The following SPPL3 variants were observed in gnomAD, a reference collection of about 807,000 sequenced individuals.
SPPL3 encodes signal peptide peptidase like 3.
SPPL3 carries 5 observed loss-of-function variants against 42.4 expected under a neutral mutation model. That is an observed-to-expected ratio of 0.12 (90% confidence interval 0.06 to 0.25). The LOEUF (loss-of-function observed/expected upper bound fraction) is 0.25. SPPL3 is among the 10% of genes least tolerant of loss of function. The pLI is 1.00. For synonymous variants in SPPL3, 195 were observed against 181.8 expected, an observed-to-expected ratio of 1.07 and a Z score of -0.58; for missense variants, 235 against 489.0, an observed-to-expected ratio of 0.48 and a Z score of 4.90.
At chr12:120,802,733 T>A (rs576799158) in intron 2 of SPPL3, among the ~76,000 whole-genome samples, 5 of 151,978 alleles carry the variant, frequency 3.3e-5, no homozygotes, top group Non-Finnish European at 5.9e-5. Flanking sequence ...CCGTGCCTGG[T>A]CTGCTACCAA....
intron 1 of SPPL3, among the ~76,000 whole-genome samples, chr12:120,865,005 A>C (rs1872718382): frequency 6.6e-6 from 1 of 152,230 alleles, no homozygotes; most frequent in Admixed American, 6.5e-5. Flanking sequence ...CCATCAATAC[A>C]AATGTTAACA....
At chr12:120,865,241 ACT>A (rs968464336) in intron 1 of SPPL3, among the ~76,000 whole-genome samples, 9 of 152,172 alleles carry the variant, frequency 5.9e-5, no homozygotes, top group African/African-American at 2.2e-4. Flanking sequence ...TGAAAATGCC[ACT>A]GTTTCATGTC....
chr12:120,839,731 T>C (rs1871743820), intron 1 of SPPL3, among the ~76,000 whole-genome samples: 1 of 152,106 alleles, frequency 6.6e-6, no homozygotes, highest in Admixed American at 6.5e-5. Context: ...TGTAAAACAG[T>C]GCAGTCACTT....
chr12:120,871,521 G>A (rs959600408), intron 1 of SPPL3, among the ~76,000 whole-genome samples: 11 of 152,152 alleles, frequency 7.2e-5, no homozygotes, highest in Non-Finnish European at 1.5e-4. Flanking sequence ...GGGAGGCTGA[G>A]ATGAGTGGAT....
At position 120,850,492 on chromosome 12, in the gene SPPL3, TAAA is replaced by T. The variant is rs11413210; in HGVS notation, c.24-39609_24-39607del. Among the ~76,000 whole-genome samples, 447 of 119,394 alleles carry T rather than the reference TAAA, an allele frequency of 3.7e-3. 2 individuals carry two copies. The highest frequency in any genetic ancestry group is 7.7e-3 in the African/African-American group (254 of 33,182). 78.3% of individuals were successfully genotyped at this position (119,394 alleles called of 152,430 possible). On this transcript the variant is annotated intron_variant, in intron 1 of 10. Transcript: ENST00000353487. ...TGGACAACATAGTGAGACCAGCCTT[TAAA>T]AAAAAAAAAAAAAAAAAACAAAAGC...
chr12:120,807,593 G>A (rs746259528), intron 2 of SPPL3, among the ~76,000 whole-genome samples: 12 of 151,544 alleles, frequency 7.9e-5, no homozygotes, highest in Non-Finnish European at 1.5e-4. Flanking sequence ...AGAATCGCTT[G>A]AGCCTGGGAG....
Position 120,763,437 on chromosome 12 carries a change from C to T in SPPL3, c.*1562G>A, listed in dbSNP as rs1271144361. On this transcript the variant is annotated 3_prime_UTR_variant, in exon 11 of 11. Transcript: ENST00000353487. ...ACACAGGTCAAGACAGAGGCAGCCA[C>T]TGGGGCGGGGACCCTTGGGGAGAGG... 1 of 152,754 alleles carries T rather than the reference C, an allele frequency of 6.5e-6. No individual in the cohort carries two copies. Among genetic ancestry groups the T allele is most frequent in the African/African-American group, 2.4e-5 (1 of 41,454 alleles). 9.5% of individuals were successfully genotyped at this position (152,754 alleles called of 1,614,324 possible). A position where few individuals can be genotyped will look rare whatever the true frequency, so the allele number is the denominator to read the frequency against.
chr12:120,857,859 C>T (rs967296810), intron 1 of SPPL3, among the ~76,000 whole-genome samples: 1 of 152,222 alleles, frequency 6.6e-6, no homozygotes, highest in African/African-American at 2.4e-5. Context: ...ACAGCTAATG[C>T]ATGCGGGGCT....
At chr12:120,776,451 T>G (rs1285430008) in intron 6 of SPPL3, among the ~76,000 whole-genome samples, 6 of 152,178 alleles carry the variant, frequency 3.9e-5, no homozygotes, top group Admixed American at 3.9e-4. Flanking sequence ...ATTCCTCCTT[T>G]AGTGAGTCTG....
chr12:120,889,210 T>C (rs1403196033), intron 1 of SPPL3, among the ~76,000 whole-genome samples: 3 of 152,172 alleles, frequency 2.0e-5, no homozygotes, highest in South Asian at 2.1e-4. Context: ...TGTGCCTATA[T>C]GAAATGCTTC....
intron 1 of SPPL3, among the ~76,000 whole-genome samples, chr12:120,874,687 A>C (rs1873029844): frequency 6.6e-6 from 1 of 152,024 alleles, no homozygotes; most frequent in African/African-American, 2.4e-5. Flanking sequence ...TCACACTGGA[A>C]GCAGAGCATG....
chr12:120,825,377 T>C (rs1871205913), intron 1 of SPPL3, among the ~76,000 whole-genome samples: 2 of 152,192 alleles, frequency 1.3e-5, no homozygotes, highest in African/African-American at 4.8e-5. Flanking sequence ...GAGAAAAATT[T>C]TTCTGTGAGT....
intron 2 of SPPL3, among the ~76,000 whole-genome samples, chr12:120,801,461 T>C (rs2136993824): frequency 6.6e-6 from 1 of 152,310 alleles, no homozygotes; most frequent in South Asian, 2.1e-4. Flanking sequence ...TGTAAGACTT[T>C]TGTGCACATT....
chr12:120,876,802 AACACAT>A (rs1433667468), intron 1 of SPPL3, among the ~76,000 whole-genome samples: 6 of 68,038 alleles, frequency 8.8e-5, no homozygotes, highest in Non-Finnish European at 1.7e-4. Flanking sequence ...TACCTTGAGA[AACACAT>A]ACACACACAC....
intron 1 of SPPL3, among the ~76,000 whole-genome samples, chr12:120,896,656 G>A (rs1487058435): frequency 6.6e-6 from 1 of 152,122 alleles, no homozygotes; most frequent in East Asian, 1.9e-4. Flanking sequence ...GTGTGCACCT[G>A]TAATCCCAGA....
intron 1 of SPPL3, among the ~76,000 whole-genome samples, chr12:120,869,107 A>C (rs1160974709): frequency 6.6e-6 from 1 of 152,212 alleles, no homozygotes; most frequent in African/African-American, 2.4e-5. Context: ...AATATATTAA[A>C]ACTCGAGCAC....
rs1467949370 is a variant in SPPL3, at chr12:120,781,558, T to G, written c.502+1097A>C. 1.6e-3 allele frequency among the ~76,000 whole-genome samples: 9 copies of G among 5,644 alleles called. 1 individual carries two copies. Among genetic ancestry groups the G allele is most frequent in the Non-Finnish European group, 4.4e-3 (8 of 1,812 alleles). 3.7% of individuals were successfully genotyped at this position (5,644 alleles called of 152,430 possible). ...AATCCCATCTCCTTATTGTTACGTT[T>G]TTTTTTTTTTTTTTTTTTTTTTTTT... On this transcript the variant is annotated intron_variant, in intron 6 of 10. Transcript: ENST00000353487.
chr12:120,844,807 G>A (rs1264389133), intron 1 of SPPL3, among the ~76,000 whole-genome samples: 5 of 151,424 alleles, frequency 3.3e-5, no homozygotes, highest in African/African-American at 1.2e-4. Context: ...GGAGGCCAAG[G>A]GCCCACGGGC....
chr12:120,811,682 G>T (rs1870686285), intron 1 of SPPL3, among the ~76,000 whole-genome samples: 1 of 152,018 alleles, frequency 6.6e-6, no homozygotes, highest in African/African-American at 2.4e-5. Context: ...ATCTTAGCAG[G>T]CTTTTTGTTG....
Sources: gnomAD v4.1 joint callset for allele counts (sites outside exome capture counted in the v4.1 genomes callset) on GRCh38, gnomAD v4.1.1 for gene constraint, MANE v1.5 for transcripts, NCBI Gene and HGNC (gene_info 2026-07-23, HGNC 2026-07-21) for gene names.